GABPB1: variants seen among roughly 807,000 people sequenced by gnomAD.
The protein encoded by GABPB1 is GA-binding protein subunit beta-1.
Under a neutral mutation model 45.9 loss-of-function variants are expected in GABPB1, and 15 were observed. The observed-to-expected ratio is 0.33, with a 90% CI of 0.22 to 0.50. The LOEUF (loss-of-function observed/expected upper bound fraction) is 0.50, where lower values mean the gene tolerates loss of function less well. GABPB1 is among the 20% of genes least tolerant of loss of function. The pLI is 0.98. For synonymous variants in GABPB1, 143 were observed against 154.4 expected (o/e 0.93, Z 0.55); for missense variants, 252 against 457.5 (o/e 0.55, Z 4.10).
Position 50,302,844 on chromosome 15 carries a change from G to GCC in GABPB1, c.471+84_471+85insGG, listed in dbSNP as rs2046806862. 5 of 913,304 alleles carry GCC rather than the reference G, an allele frequency of 5.5e-6. No homozygotes were observed. In the South Asian group the frequency reaches 8.0e-5, roughly 15 times the overall value. The allele number at this position is 913,304 out of a possible 1,614,324, so 56.6% of individuals were successfully genotyped here. A position where few individuals can be genotyped will look rare whatever the true frequency, so the allele number is the denominator to read the frequency against. On this transcript the variant is annotated intron_variant, in intron 4 of 8. Coordinates refer to ENST00000380877, the MANE Select transcript of GABPB1 (RefSeq NM_016654.5). ...CCAAAATGAAAGGCTACAAACAATA[G>GCC]TTTAAATCATGCACAATATAAGAGA...
chr15:50,312,841 C>T (rs4775875), intron 1 of GABPB1, among the ~76,000 whole-genome samples: 74,663 of 151,940 alleles, frequency 0.49, 19,456 homozygotes, highest in Middle Eastern at 0.65. Flanking sequence ...CTTTTCCCCA[C>T]CTTTTGAAAC....
At chr15:50,328,063 A>G (rs1383441707) in intron 1 of GABPB1, among the ~76,000 whole-genome samples, 2 of 152,076 alleles carry the variant, frequency 1.3e-5, no homozygotes, top group Non-Finnish European at 2.9e-5. Flanking sequence ...AAGTGTCTAT[A>G]AACGAAAAAA....
intron 1 of GABPB1, among the ~76,000 whole-genome samples, chr15:50,318,436 T>C (rs902918285): frequency 5.3e-5 from 8 of 152,154 alleles, no homozygotes; most frequent in Admixed American, 1.3e-4. Flanking sequence ...ATTTTTAAAA[T>C]AAATGATATT....
At chr15:50,321,297 G>C (rs1409574866) in intron 1 of GABPB1, among the ~76,000 whole-genome samples, 1 of 152,068 alleles carries the variant, frequency 6.6e-6, no homozygotes, top group Non-Finnish European at 1.5e-5. Flanking sequence ...CAGTGTACAA[G>C]AATAACTGCT....
At chr15:50,325,913 T>TG (rs1491420355) in intron 1 of GABPB1, among the ~76,000 whole-genome samples, 4 of 37,578 alleles carry the variant, frequency 1.1e-4, no homozygotes, top group Admixed American at 3.7e-4. Context: ...GTTTTTTTTG[T>TG]TTTTTTTTTT....
At chr15:50,329,456 T>C (rs2047878259) in intron 1 of GABPB1, among the ~76,000 whole-genome samples, 1 of 152,144 alleles carries the variant, frequency 6.6e-6, no homozygotes, top group South Asian at 2.1e-4. Context: ...ACAATACATA[T>C]CATATGGTGT....
At chr15:50,302,254 G>T (rs1281724197) in intron 4 of GABPB1, among the ~76,000 whole-genome samples, 1 of 152,056 alleles carries the variant, frequency 6.6e-6, no homozygotes, top group Non-Finnish European at 1.5e-5. Flanking sequence ...ATGATATTAT[G>T]GTTGCTAATA....
rs571782791 is a variant in GABPB1 at position 50,326,577 on chromosome 15, G to A, written c.1-16779C>T. Among the ~76,000 whole-genome samples, 7 of 152,158 alleles carry A rather than the reference G, an allele frequency of 4.6e-5. No homozygotes were observed. In the East Asian group the frequency reaches 1.2e-3, roughly 25 times the overall value. ...CTGGGGAGGCTGAGGCAGGAGAATCGCTAGAACCCGGAAGGCAGAGGTTGC... is the reference window on the plus strand; with the variant it reads ...CTGGGGAGGCTGAGGCAGGAGAATCACTAGAACCCGGAAGGCAGAGGTTGC... On this transcript the variant is annotated intron_variant, in intron 1 of 8. Coordinates refer to ENST00000380877, the MANE Select transcript of GABPB1 (RefSeq NM_016654.5).
chr15:50,305,241 TTAAG>T (rs1481061477), intron 2 of GABPB1, among the ~76,000 whole-genome samples: 6 of 152,160 alleles, frequency 3.9e-5, no homozygotes, highest in Admixed American at 2.6e-4. Context: ...TATGAAGAGA[TTAAG>T]TGAGATATAT....
At chr15:50,302,865 A>C in intron 4 of GABPB1, 64 bp downstream of exon 4, 3 of 1,073,620 alleles carry the variant, frequency 2.8e-6, no homozygotes, top group Non-Finnish European at 2.7e-6. Flanking sequence ...GCACAATATA[A>C]GAGATCCCTC....
rs1411470655 is a variant in GABPB1 at position 50,275,498 on chromosome 15, G to T, written c.*3134C>A. On this transcript the variant is annotated 3_prime_UTR_variant, in exon 9 of 9. Coordinates refer to ENST00000380877, the MANE Select transcript of GABPB1 (RefSeq NM_016654.5). ...GTCAAAAATATCATAAATGTAAAATGCAATTAATACCCTGATAAACCCATT... is the reference window on the plus strand; with the variant it reads ...GTCAAAAATATCATAAATGTAAAATTCAATTAATACCCTGATAAACCCATT... 1 of 152,116 alleles carries T rather than the reference G, an allele frequency of 6.6e-6. No individual in the cohort carries two copies. The highest frequency in any genetic ancestry group is 2.4e-5 in the African/African-American group (1 of 41,410). The allele number at this position is 152,116 out of a possible 1,614,324, so 9.4% of individuals were successfully genotyped here.
chr15:50,309,848 A>G lies in GABPB1; in HGVS notation c.1-50T>C, dbSNP rs368588194. The G allele has an allele frequency of 2.9e-6, 3 of 1,035,952 alleles. No homozygotes were observed. In the African/African-American group the frequency reaches 4.7e-5, roughly 16 times the overall value. 64.2% of individuals were successfully genotyped at this position (1,035,952 alleles called of 1,614,324 possible). A position where few individuals can be genotyped will look rare whatever the true frequency, so the allele number is the denominator to read the frequency against. ...ACATCAAAATCTCCATTTATACACT[A>G]TGACATGACATTTTCCCTTCCTGTC... On this transcript the variant is annotated intron_variant, in intron 1 of 8. Coordinates refer to ENST00000380877, the MANE Select transcript of GABPB1 (RefSeq NM_016654.5).
intron 8 of GABPB1, among the ~76,000 whole-genome samples, chr15:50,281,724 T>C (rs1595725873): frequency 6.6e-6 from 1 of 152,186 alleles, no homozygotes; most frequent in East Asian, 1.9e-4. Context: ...TGACAGACTG[T>C]AGGGCCCACA....
In GABPB1 at chr15:50,277,441, A is replaced by G. The variant is rs1431248383; in HGVS notation, c.*1191T>C. Reference sequence around the variant, plus strand: ...TTTGAAGTAATATTTTACCAAAAAAAAAAAAGAAAAAGTGAACAGTCTGCC... The same window carrying G: ...TTTGAAGTAATATTTTACCAAAAAAGAAAAAGAAAAAGTGAACAGTCTGCC... On this transcript the variant is annotated 3_prime_UTR_variant, in exon 9 of 9. Transcript: ENST00000380877. 1.3e-5 allele frequency: 2 copies of G among 152,152 alleles called. No homozygotes were observed. Among genetic ancestry groups the G allele is most frequent in the East Asian group, 1.9e-4 (1 of 5,182 alleles). 9.4% of individuals were successfully genotyped at this position (152,152 alleles called of 1,614,324 possible).
At position 50,276,603 on chromosome 15, in the gene GABPB1, G is replaced by A. The variant is rs2045841436; in HGVS notation, c.*2029C>T. 1 of 152,242 alleles carries A rather than the reference G, an allele frequency of 6.6e-6. No homozygotes were observed. The highest frequency in any genetic ancestry group is 2.1e-4 in the South Asian group (1 of 4,834). The allele number at this position is 152,242 out of a possible 1,614,324, so 9.4% of individuals were successfully genotyped here. A position where few individuals can be genotyped will look rare whatever the true frequency, so the allele number is the denominator to read the frequency against. ...TTGCACCAGGTAAAGTCTCCAGCAG[G>A]AGAGGAGACTGGAAGTCAAAGACGA... On this transcript the variant is annotated 3_prime_UTR_variant, in exon 9 of 9. Coordinates refer to ENST00000380877, the MANE Select transcript of GABPB1 (RefSeq NM_016654.5).
intron 1 of GABPB1, among the ~76,000 whole-genome samples, chr15:50,321,563 A>G (rs2047569866): frequency 6.6e-6 from 1 of 152,136 alleles, no homozygotes; most frequent in Admixed American, 6.6e-5. Flanking sequence ...TTAGCCAGGC[A>G]TGGTGGCTGG....
intron 1 of GABPB1, among the ~76,000 whole-genome samples, chr15:50,335,669 C>T (rs190875026): frequency 1.3e-5 from 2 of 151,970 alleles, no homozygotes; most frequent in African/African-American, 2.4e-5. Flanking sequence ...GAGGCCAAGG[C>T]GGGTGGATCA....
At chr15:50,292,060 C>T (rs1182914323) in intron 6 of GABPB1, among the ~76,000 whole-genome samples, 3 of 151,848 alleles carry the variant, frequency 2.0e-5, no homozygotes, top group Admixed American at 6.6e-5. Flanking sequence ...TGCGGCCGGG[C>T]GCGGTGGCTC....
chr15:50,342,908 T>C (rs2048428637), intron 1 of GABPB1, among the ~76,000 whole-genome samples: 1 of 152,204 alleles, frequency 6.6e-6, no homozygotes, highest in Non-Finnish European at 1.5e-5. Context: ...GTTTGTTTGT[T>C]TGTTTGTTTT....
Sources: gnomAD v4.1 joint callset for allele counts (sites outside exome capture counted in the v4.1 genomes callset) on GRCh38, gnomAD v4.1.1 for gene constraint, MANE v1.5 for transcripts, NCBI Gene and HGNC (gene_info 2026-07-23, HGNC 2026-07-21) for gene names.